TUBGCP2: variants seen among roughly 807,000 people sequenced by gnomAD.
TUBGCP2 encodes tubulin gamma complex component 2.
In TUBGCP2, 55 loss-of-function variants were observed where a neutral mutation model predicts 92.2. The observed-to-expected ratio is 0.60, with a 90% CI of 0.48 to 0.75. The LOEUF is 0.75. TUBGCP2 is among the 30% of genes least tolerant of loss of function. The pLI, the probability that TUBGCP2 is intolerant of heterozygous loss-of-function variation, is 0.00. For synonymous variants in TUBGCP2, 533 were observed against 505.2 expected, an observed-to-expected ratio of 1.06 and a Z score of -0.74; for missense variants, 1,093 against 1,188.9, an observed-to-expected ratio of 0.92 and a Z score of 1.19.
rs778788832 is a variant in TUBGCP2, at chr10:133,291,892, ATGCAC to A, written c.1214+602_1214+606del. Among the ~76,000 whole-genome samples, 45 of 19,192 alleles carry A rather than the reference ATGCAC, an allele frequency of 2.3e-3. 16 individuals are homozygous for A. Among genetic ancestry groups the A allele is most frequent in the South Asian group, 6.0e-3 (2 of 336 alleles). The allele number at this position is 19,192 out of a possible 152,430, so 12.6% of individuals were successfully genotyped here. A position where few individuals can be genotyped will look rare whatever the true frequency, so the allele number is the denominator to read the frequency against. ...CCCTACCTGTACGGGAGAGGGCAGC[ATGCAC>A]CGTCCGTGTCCCCCATGTCCCTCCG... On this transcript the variant is annotated intron_variant, in intron 8 of 17. Transcript: ENST00000252936.
At chr10:133,293,433 G>A (rs971106209) in intron 6 of TUBGCP2, 129 bp downstream of exon 6, 3 of 1,242,390 alleles carry the variant, frequency 2.4e-6, no homozygotes, top group African/African-American at 1.5e-5. Flanking sequence ...AACTGAGTTG[G>A]GCACGGAGTT....
upstream of TUBGCP2, chr10:133,311,572 A>G (rs1412431516): frequency 4.4e-6 from 3 of 675,968 alleles, no homozygotes; most frequent in African/African-American, 5.4e-5. Context: ...CTTAAACCAC[A>G]CTATAAAATC....
At chr10:133,310,474 G>A (rs1029596421), upstream of TUBGCP2, 49 of 733,784 alleles carry the variant, frequency 6.7e-5, no homozygotes, top group South Asian at 2.4e-4. Context: ...CCACCCTGCC[G>A]AAGGGAGGCT....
At position 133,285,684 on chromosome 10, in the gene TUBGCP2, C is replaced by T. The variant is rs1468978550; in HGVS notation, c.1723-56G>A. 4 of 1,459,092 alleles carry T rather than the reference C, an allele frequency of 2.7e-6. No homozygotes were observed. Among genetic ancestry groups the T allele is most frequent in the Non-Finnish European group, 3.6e-6 (4 of 1,105,226 alleles). The allele number at this position is 1,459,092 out of a possible 1,614,324, so 90.4% of individuals were successfully genotyped here. On this transcript the variant is annotated intron_variant, in intron 11 of 17. Coordinates refer to ENST00000252936, the MANE Select transcript of TUBGCP2 (RefSeq NM_006659.4). This position sits in a 1 kb window ranked among gnomAD's most constrained non-coding sequence, Gnocchi z 6.8. ...CAGTTTTAAGGAAAAGACCCGAAGT[C>T]GCATCCCGATCGCCATCCTCGCTCA...
At chr10:133,302,618 C>A in intron 2 of TUBGCP2, 174 bp downstream of exon 2, 1 of 725,772 alleles carries the variant, frequency 1.4e-6, no homozygotes, top group Non-Finnish European at 2.2e-6. Flanking sequence ...GCACCCTGAC[C>A]CAGGGGTGGG....
chr10:133,310,607 A>G (rs1439639952), upstream of TUBGCP2: 1 of 368,238 alleles, frequency 2.7e-6, no homozygotes, highest in African/African-American at 2.1e-5. Flanking sequence ...CTCCTGCAGC[A>G]GTCGGCCGTG....
At chr10:133,297,346 C>A (rs1345392996) in intron 5 of TUBGCP2, 2 of 419,322 alleles carry the variant, frequency 4.8e-6, no homozygotes, top group Non-Finnish European at 9.4e-6. Context: ...TGCAGTGTGC[C>A]GAGATCACGC....
Position 133,298,049 on chromosome 10 carries a change from G to A in TUBGCP2, c.519C>T (p.His173=), listed in dbSNP as rs1847531224. The A allele has an allele frequency of 6.2e-7, 1 of 1,614,202 alleles. No individual in the cohort carries two copies. Among genetic ancestry groups the A allele is most frequent in the Non-Finnish European group, 8.5e-7 (1 of 1,180,038 alleles). Residue 173 remains histidine, a synonymous_variant, in exon 5 of 18, where the codon CAC becomes CAT. Transcript: ENST00000252936. ...ACACCCATGCTGGGAAGATGGGGAG[G>A]TGCTGGCCTGAATTTTTTTTGTTCT... The part of the protein sequence containing the change: ...DKQNKKNSGQ[H]LPIFPAWVYE...
At chr10:133,283,551 C>G (rs1380358426) in intron 14 of TUBGCP2, among the ~76,000 whole-genome samples, 3 of 152,220 alleles carry the variant, frequency 2.0e-5, no homozygotes, top group Admixed American at 6.5e-5. Context: ...GCTCAGAGTC[C>G]CCCTAGGACG....
upstream of TUBGCP2, chr10:133,309,508 C>T (rs771167323): frequency 8.2e-6 from 13 of 1,579,802 alleles, no homozygotes; most frequent in Non-Finnish European, 1.1e-5. Context: ...CCTGCGCCGC[C>T]TCCCTGACCG....
chr10:133,285,908 C>T lies in TUBGCP2; in HGVS notation c.1723-280G>A, dbSNP rs1388645273. Among the ~76,000 whole-genome samples the T allele has an allele frequency of 1.3e-5, 2 of 152,084 alleles. No individual in the cohort carries two copies. The highest frequency in any genetic ancestry group is 1.3e-4 in the Admixed American group (2 of 15,260). On this transcript the variant is annotated intron_variant, in intron 11 of 17. Transcript: ENST00000252936. This position sits in a 1 kb window ranked among gnomAD's most constrained non-coding sequence, Gnocchi z 6.8. ...GGTATAAGGGAAAAACCGCTAAGGA[C>T]GGTGAAAGAAACGTGATTCCTTAGG... is the stretch of plus-strand genomic sequence containing the variant.
intron 4 of TUBGCP2, 45 bp downstream of exon 4, chr10:133,299,382 G>A (rs1468344404): frequency 6.6e-7 from 1 of 1,512,396 alleles, no homozygotes; most frequent in African/African-American, 1.4e-5. Flanking sequence ...ACGGACACAG[G>A]ACCTGCTGCA....
At position 133,280,887 on chromosome 10, in the gene TUBGCP2, C is replaced by T. The variant is rs1327033724; in HGVS notation, c.2573+386G>A. 1.7e-4 allele frequency among the ~76,000 whole-genome samples: 24 copies of T among 144,014 alleles called. No individual in the cohort carries two copies. The South Asian group carries it at 3.6e-3, about 22-fold the overall frequency. The allele number at this position is 144,014 out of a possible 152,430, so 94.5% of individuals were successfully genotyped here. A position where few individuals can be genotyped will look rare whatever the true frequency, so the allele number is the denominator to read the frequency against. On this transcript the variant is annotated intron_variant, in intron 17 of 17. Coordinates refer to ENST00000252936, the MANE Select transcript of TUBGCP2 (RefSeq NM_006659.4). ...GAGCCGGGGCAGCACTGGGCCAGGG[C>T]GGTGCTGGGCAGGGGCAGGCGCTGG...
Position 133,293,219 on chromosome 10 carries a change from A to G in TUBGCP2, c.844T>C (p.Ser282Pro). Residue 282 changes from serine to proline, a missense_variant, in exon 7 of 18, where the codon TCC (serine) becomes CCC (proline). Physicochemically the swap from Ser to Pro is moderately conservative, Grantham distance 74. Transcript: ENST00000252936. ...AVTRFIEEKS[S>P]FEYGQVNHAL... ...TGGTTCACCTGCCCGTACTCGAAGG[A>G]AGACTTCTCTTCAATGAACCTGGAA... is the stretch of plus-strand genomic sequence containing the variant. 1 of 1,613,694 alleles carries G rather than the reference A, an allele frequency of 6.2e-7. No homozygotes were observed.
chr10:133,309,340 G>T, upstream of TUBGCP2: 1 of 1,585,004 alleles, frequency 6.3e-7, no homozygotes, highest in South Asian at 1.1e-5. Context: ...CTGACGCGGT[G>T]GGCGTGCCGC....
Position 133,285,298 on chromosome 10 carries a change from C to G in TUBGCP2, c.1896-85G>C. Reference sequence around the variant, plus strand: ...GGCGTCTGTACTCCACAGTCCGCACCGTGGCCCCCGGACAGCCCGTGAATC... The same window carrying G: ...GGCGTCTGTACTCCACAGTCCGCACGGTGGCCCCCGGACAGCCCGTGAATC... On this transcript the variant is annotated intron_variant, in intron 12 of 17. Transcript: ENST00000252936. The surrounding 1 kb of genome is among the most constrained non-coding windows in gnomAD (Gnocchi z 6.8). 6.3e-7 allele frequency: 1 copy of G among 1,596,230 alleles called. No individual in the cohort carries two copies. The highest frequency in any genetic ancestry group is 8.5e-7 in the Non-Finnish European group (1 of 1,174,794).
At position 133,290,023 on chromosome 10, in the gene TUBGCP2, G is replaced by A; in HGVS notation, c.1215-54C>T. On this transcript the variant is annotated intron_variant, in intron 8 of 17. Coordinates refer to ENST00000252936, the MANE Select transcript of TUBGCP2 (RefSeq NM_006659.4). ...AGGCAAAGCAAGGGCGCCTGAGGCAGGCGACACTTCTCCAGGCCGGCAGCG... is the reference window on the plus strand; with the variant it reads ...AGGCAAAGCAAGGGCGCCTGAGGCAAGCGACACTTCTCCAGGCCGGCAGCG... 2.5e-6 allele frequency: 4 copies of A among 1,596,240 alleles called. No individual in the cohort carries two copies. In the African/African-American group the frequency reaches 4.0e-5, roughly 16 times the overall value.
At chr10:133,309,549 C>G, upstream of TUBGCP2, 2 of 1,478,336 alleles carry the variant, frequency 1.4e-6, no homozygotes. Context: ...TGCTGCCGCT[C>G]TTCCATGTGC....
chr10:133,309,809 C>A (rs1333274736), upstream of TUBGCP2: 4 of 1,613,502 alleles, frequency 2.5e-6, no homozygotes, highest in Non-Finnish European at 2.5e-6. Flanking sequence ...TGGCCGGCTG[C>A]TGCCAGGTGT....
Sources: allele counts gnomAD v4.1 joint callset (sites outside exome capture counted in the v4.1 genomes callset), GRCh38; gene constraint gnomAD v4.1.1; non-coding constraint Gnocchi (gnomAD v3.1); transcripts MANE v1.5; gene names NCBI Gene and HGNC (gene_info 2026-07-23, HGNC 2026-07-21).